ZNF519: variants seen among roughly 807,000 people sequenced by gnomAD.
The protein encoded by ZNF519 is similar to Zinc finger protein 85 (Zinc finger protein HPF4) (HTF1).
A neutral mutation model predicts 7.4 loss-of-function variants in ZNF519; 7 were observed. That is an observed-to-expected ratio of 0.94 (90% CI 0.54 to 1.77). ZNF519 has a LOEUF of 1.77. Ranked by LOEUF, ZNF519 falls within the 40% of genes most tolerant of loss-of-function variation. The probability of loss-of-function intolerance (pLI) is 0.00; values close to 1 mark genes in which losing one functional copy is unlikely to be tolerated. For missense variants in ZNF519, 586 were observed against 623.1 expected (o/e 0.94, Z 0.63); for synonymous variants, 179 against 203.3 (o/e 0.88, Z 1.02).
At chr18:14,110,131 T>G (rs578209818) in intron 2 of ZNF519, among the ~76,000 whole-genome samples, 9 of 152,264 alleles carry the variant, frequency 5.9e-5, no homozygotes, top group African/African-American at 1.7e-4. Context: ...CTAGGAAAAC[T>G]GGCAAGCCAC....
At chr18:14,129,830 TC>T (rs1473349706) in intron 1 of ZNF519, among the ~76,000 whole-genome samples, 6 of 151,144 alleles carry the variant, frequency 4.0e-5, no homozygotes, top group Middle Eastern at 3.4e-3. Context: ...CACATTCCCC[TC>T]CTCAAGCTCA....
At chr18:14,093,318 A>ATCCAG (rs1296481466) in intron 2 of ZNF519, among the ~76,000 whole-genome samples, 2 of 152,166 alleles carry the variant, frequency 1.3e-5, no homozygotes, top group Non-Finnish European at 2.9e-5. Flanking sequence ...CCTTTAAAAC[A>ATCCAG]TCCAGTCATC....
chr18:14,095,240 T>A (rs1266340782), downstream of ZNF519, among the ~76,000 whole-genome samples: 1 of 152,158 alleles, frequency 6.6e-6, no homozygotes, highest in East Asian at 1.9e-4. Flanking sequence ...ACAGGGAAAC[T>A]CCAGAGGTTT....
At chr18:14,120,837 T>C (rs1443822095) in intron 2 of ZNF519, among the ~76,000 whole-genome samples, 2 of 152,124 alleles carry the variant, frequency 1.3e-5, no homozygotes, top group African/African-American at 4.8e-5. Flanking sequence ...AGAAGTATCA[T>C]ATAATCCAGT....
intron 2 of ZNF519, among the ~76,000 whole-genome samples, chr18:14,086,798 G>A (rs962195661): frequency 3.9e-5 from 6 of 152,148 alleles, no homozygotes; most frequent in Non-Finnish European, 5.9e-5. Flanking sequence ...TAAAAAAGCA[G>A]CAGTGACCAC....
intron 3 of ZNF519, among the ~76,000 whole-genome samples, chr18:14,083,534 AC>A: frequency 6.6e-6 from 1 of 152,240 alleles, no homozygotes; most frequent in South Asian, 2.1e-4. Flanking sequence ...AAATGAAACC[AC>A]CCTTTATCAT....
At chr18:14,095,133 T>G (rs574077437), downstream of ZNF519, among the ~76,000 whole-genome samples, 164 of 151,614 alleles carry the variant, frequency 1.1e-3, no homozygotes, top group African/African-American at 3.8e-3. Context: ...AATTCCATTT[T>G]TTGTTGTGTG....
intron 1 of ZNF519, among the ~76,000 whole-genome samples, chr18:14,124,763 TA>T (rs1420274898): frequency 6.6e-6 from 1 of 151,936 alleles, no homozygotes; most frequent in Non-Finnish European, 1.5e-5. Context: ...CACCTCTCAT[TA>T]AAGTATCTGG....
downstream of ZNF519, among the ~76,000 whole-genome samples, chr18:14,095,726 GTAC>G (rs1282270740): frequency 6.6e-6 from 1 of 152,230 alleles, no homozygotes; most frequent in Non-Finnish European, 1.5e-5. Flanking sequence ...TGTCAAGCTA[GTAC>G]TGAGCTGTAA....
At position 14,094,036 on chromosome 18, in the gene ZNF519, T is replaced by C. The variant is rs118084194; in HGVS notation, c.131-8960A>G. On this transcript the variant is annotated intron_variant and NMD_transcript_variant, in intron 2 of 4. Transcript: ENST00000587419. ...TTTCCTATGATCTCTGCATTTATTT[T>C]CTTTTCCTTTGGTTTCTTGCTTTAA... Among the ~76,000 whole-genome samples the C allele has an allele frequency of 8.9e-4, 135 of 152,370 alleles. 2 individuals carry two copies. In the East Asian group the frequency reaches 0.024, roughly 28 times the overall value.
chr18:14,105,157 T>A lies in ZNF519; in HGVS notation c.1383A>T (p.Lys461Asn), dbSNP rs1178133450. 1 of 1,612,922 alleles carries A rather than the reference T, an allele frequency of 6.2e-7. No homozygotes were observed. The highest frequency in any genetic ancestry group is 1.3e-5 in the African/African-American group (1 of 74,920). The change falls in exon 3 of 3, where the codon AAA becomes AAT. Residue 461 changes from lysine (K) to asparagine (N), a missense_variant. Transcript: ENST00000590202. The stretch of plus-strand genomic sequence containing the variant: ...TAAAAGCTTTGCCACATTCTTCACA[T>A]TTGAAAGACTTCTCTCCAGTATGGA... ...QRIHTGEKSF[K>N]CEECGKAFIW...
At chr18:14,074,691 C>T (rs1472729523), downstream of ZNF519, 1 of 152,214 alleles carries the variant, frequency 6.6e-6, no homozygotes, top group Non-Finnish European at 1.5e-5. Flanking sequence ...ACCACCTTAG[C>T]CTGGACTTTA....
rs774933117 is a variant in ZNF519, at chr18:14,124,489, A to T, written c.4-13T>A. ...ATGTTAAGAGTTCCTGGAAACACAT[A>T]TATCAAGTGACAGAGCTCTTAATTT... On this transcript the variant is annotated splice_polypyrimidine_tract_variant and intron_variant, in intron 1 of 2. Coordinates refer to ENST00000590202, the MANE Select transcript of ZNF519 (RefSeq NM_145287.4). The T allele has an allele frequency of 1.2e-6, 2 of 1,605,396 alleles. No individual in the cohort carries two copies. The highest frequency in any genetic ancestry group is 1.3e-5 in the African/African-American group (1 of 74,176).
chr18:14,113,007 T>C (rs1022590184), intron 2 of ZNF519, among the ~76,000 whole-genome samples: 3 of 152,202 alleles, frequency 2.0e-5, no homozygotes, highest in African/African-American at 7.2e-5. Context: ...CTTATTTTTC[T>C]TAACATATGA....
chr18:14,076,072 A>G (rs2046046594), exon 5 of ZNF519: 1 of 152,148 alleles, frequency 6.6e-6, no homozygotes, highest in Non-Finnish European at 1.5e-5. Context: ...ATAACAGCTA[A>G]ATAACATCTA....
chr18:14,097,782 G>A (rs1408307318), downstream of ZNF519, among the ~76,000 whole-genome samples: 5 of 152,136 alleles, frequency 3.3e-5, no homozygotes. Context: ...AAGATCAGTA[G>A]GATGCTTTTG....
intron 2 of ZNF519, among the ~76,000 whole-genome samples, chr18:14,087,910 G>T (rs1211091915): frequency 7.0e-6 from 1 of 143,342 alleles, no homozygotes. Context: ...AACAGATTAT[G>T]GATGTGAGTA....
downstream of ZNF519, among the ~76,000 whole-genome samples, chr18:14,099,375 C>G (rs1940812): frequency 0.17 from 26,275 of 152,134 alleles, 2,796 homozygotes; most frequent in Middle Eastern, 0.25. Flanking sequence ...CATTATAACT[C>G]ATCTTTTAGC....
chr18:14,073,240 TTATA>T (rs1055978739), downstream of ZNF519: 3 of 137,134 alleles, frequency 2.2e-5, no homozygotes, highest in Admixed American at 7.7e-5. Context: ...ATTTTTATTT[TTATA>T]TTTATTTATT....
Sources: gnomAD v4.1 joint callset for allele counts (sites outside exome capture counted in the v4.1 genomes callset) on GRCh38, gnomAD v4.1.1 for gene constraint, MANE v1.5 for transcripts, NCBI Gene and HGNC (gene_info 2026-07-23, HGNC 2026-07-21) for gene names.